MCTP2: variants seen among roughly 807,000 people sequenced by gnomAD.
MCTP2 encodes multiple C2 and transmembrane domain-containing protein 2.
A neutral mutation model predicts 111.6 loss-of-function variants in MCTP2; 132 were observed. The ratio of observed to expected loss-of-function variants is 1.18; its 90% CI spans 1.03 to 1.37. The LOEUF is 1.37. Ranked by LOEUF, MCTP2 falls within the 40% of genes most tolerant of loss-of-function variation. The pLI is 0.00. For missense variants in MCTP2, 1,183 were observed against 1,067.9 expected (o/e 1.11, Z -1.50); for synonymous variants, 395 against 387.7 (o/e 1.02, Z -0.22).
intron 1 of MCTP2, among the ~76,000 whole-genome samples, chr15:94,264,013 T>A (rs1051527979): frequency 3.3e-5 from 5 of 152,190 alleles, no homozygotes; most frequent in Admixed American, 3.3e-4. Flanking sequence ...AGTTTCTCTC[T>A]CTGGCACTCC....
At chr15:94,453,677 TAAAA>T (rs1005661711) in intron 19 of MCTP2, among the ~76,000 whole-genome samples, 6 of 151,126 alleles carry the variant, frequency 4.0e-5, no homozygotes, top group African/African-American at 1.5e-4. Flanking sequence ...AGTATATAAA[TAAAA>T]ACACAAAGAT....
chr15:94,467,050 GCCATATA>G (rs2152536626), intron 20 of MCTP2, among the ~76,000 whole-genome samples: 1 of 152,210 alleles, frequency 6.6e-6, no homozygotes. Flanking sequence ...GTGACTATAT[GCCATATA>G]TCTTTATAAA....
At chr15:94,261,841 G>A (rs540239528) in intron 1 of MCTP2, among the ~76,000 whole-genome samples, 11 of 152,250 alleles carry the variant, frequency 7.2e-5, no homozygotes, top group African/African-American at 2.4e-4. Flanking sequence ...TTTAAAACTC[G>A]TGAACTGAAG....
intron 1 of MCTP2, among the ~76,000 whole-genome samples, chr15:94,273,173 A>C (rs2074002872): frequency 6.6e-6 from 1 of 152,208 alleles, no homozygotes; most frequent in African/African-American, 2.4e-5. Flanking sequence ...TGTTGTCTTT[A>C]CTGATAGAAC....
At chr15:94,256,006 T>A (rs1462586942) in intron 1 of MCTP2, among the ~76,000 whole-genome samples, 1 of 152,174 alleles carries the variant, frequency 6.6e-6, no homozygotes. Context: ...TCCTCACAGC[T>A]CCATTTTGGT....
chr15:94,308,646 C>T (rs539557147), intron 2 of MCTP2, among the ~76,000 whole-genome samples: 7 of 152,276 alleles, frequency 4.6e-5, no homozygotes, highest in African/African-American at 9.6e-5. Context: ...AAAAAACTTA[C>T]GGCAGGTCAG....
chr15:94,402,344 G>GA (rs112261332), intron 17 of MCTP2: 2 of 1,445,368 alleles, frequency 1.4e-6, no homozygotes, highest in East Asian at 2.5e-5. Flanking sequence ...AATGGCATCT[G>GA]AAAAATCACA....
chr15:94,327,385 A>G (rs1263454353), intron 4 of MCTP2, among the ~76,000 whole-genome samples: 1 of 152,228 alleles, frequency 6.6e-6, no homozygotes, highest in Non-Finnish European at 1.5e-5. Flanking sequence ...ATTGCAGCAC[A>G]TATTGGAGCC....
At chr15:94,303,355 C>T (rs1029261308) in intron 2 of MCTP2, among the ~76,000 whole-genome samples, 2 of 151,660 alleles carry the variant, frequency 1.3e-5, no homozygotes, top group African/African-American at 2.4e-5. Context: ...GAGGCTAGGC[C>T]AGTCTGTTTT....
chr15:94,309,367 T>A (rs1356901732), intron 2 of MCTP2, among the ~76,000 whole-genome samples: 1 of 152,238 alleles, frequency 6.6e-6, no homozygotes, highest in Non-Finnish European at 1.5e-5. Context: ...TTATATACTT[T>A]AATGGGGCAG....
intron 6 of MCTP2, 70 bp downstream of exon 6, chr15:94,340,345 G>T (rs1275942184): frequency 4.5e-6 from 5 of 1,104,782 alleles, no homozygotes; most frequent in Non-Finnish European, 6.9e-6. Context: ...GTTAAATGGT[G>T]CTTGTTGAGG....
chr15:94,358,674 G>A, intron 10 of MCTP2, 62 bp downstream of exon 10: 1 of 1,586,948 alleles, frequency 6.3e-7, no homozygotes, highest in Non-Finnish European at 8.6e-7. Context: ...GTTCTGAGAG[G>A]TGATCTTTAT....
intron 10 of MCTP2, among the ~76,000 whole-genome samples, chr15:94,367,098 A>G (rs1467067445): frequency 1.3e-5 from 2 of 152,200 alleles, no homozygotes; most frequent in Non-Finnish European, 2.9e-5. Flanking sequence ...CGTGTTTTTT[A>G]AAATAAAAAT....
At chr15:94,466,350 G>A (rs954131623) in intron 20 of MCTP2, among the ~76,000 whole-genome samples, 1 of 152,104 alleles carries the variant, frequency 6.6e-6, no homozygotes, top group African/African-American at 2.4e-5. Context: ...AGTTGATGAT[G>A]CATTTCCTTG....
intron 2 of MCTP2, among the ~76,000 whole-genome samples, chr15:94,307,814 G>A (rs1489888710): frequency 1.3e-5 from 2 of 152,158 alleles, no homozygotes; most frequent in African/African-American, 4.8e-5. Context: ...GGCTTCGTCA[G>A]CCAGTCTCTG....
chr15:94,416,195 A>C (rs1389238740), intron 17 of MCTP2, among the ~76,000 whole-genome samples: 1 of 152,100 alleles, frequency 6.6e-6, no homozygotes, highest in Non-Finnish European at 1.5e-5. Context: ...CTTCCGAAAG[A>C]GACCTGCAAG....
chr15:94,356,189 T>A lies in MCTP2; in HGVS notation c.1058T>A (p.Leu353His). 6.2e-7 allele frequency: 1 copy of A among 1,613,016 alleles called. No individual in the cohort carries two copies. The highest frequency in any genetic ancestry group is 1.1e-5 in the South Asian group (1 of 90,924). The change falls in exon 9 of 23, where the codon CTC (leucine) becomes CAC (histidine). Residue 353 changes from leucine to histidine, a missense_variant. Physicochemically the swap from Leu to His is moderately conservative, Grantham distance 99. Transcript: ENST00000357742. ...RLSESLKKNQLWNGIISITLL... is the reference protein window; with the variant it reads ...RLSESLKKNQHWNGIISITLL... ...TCTGAGTCCTTGAAAAAGAACCAAC[T>A]CTGGAACGGGATTATAAGTATAACT... is the stretch of plus-strand genomic sequence containing the variant.
intron 1 of MCTP2, among the ~76,000 whole-genome samples, chr15:94,245,390 A>C (rs1390382353): frequency 2.0e-5 from 1 of 50,778 alleles, no homozygotes; most frequent in Non-Finnish European, 4.8e-5. Context: ...ATATGTATTT[A>C]TATACATGTG....
intron 12 of MCTP2, among the ~76,000 whole-genome samples, chr15:94,379,728 T>C (rs1258244598): frequency 1.4e-5 from 2 of 145,146 alleles, no homozygotes; most frequent in East Asian, 3.9e-4. Flanking sequence ...TAATATATAA[T>C]GTGTAATATA....
Sources: allele counts gnomAD v4.1 joint callset (sites outside exome capture counted in the v4.1 genomes callset), GRCh38; gene constraint gnomAD v4.1.1; transcripts MANE v1.5; gene names NCBI Gene and HGNC (gene_info 2026-07-23, HGNC 2026-07-21).